ARK2N: variants seen among roughly 807,000 people sequenced by gnomAD.
The protein encoded by ARK2N is arkadia (RNF111) N-terminal like PKA signaling regulator 2N.
At chr18:46,257,129 C>T in the ARK2N span, among the ~76,000 whole-genome samples, 1 of 152,068 alleles carries the variant, frequency 6.6e-6, no homozygotes, top group Admixed American at 6.5e-5. Context: ...ATTTAGTTGT[C>T]CTGTTCTTAT....
the ARK2N span, chr18:46,216,432 G>C: frequency 6.2e-7 from 1 of 1,614,090 alleles, no homozygotes; most frequent in Non-Finnish European, 8.5e-7. The surrounding 1 kb of genome is among the most constrained non-coding windows in gnomAD (Gnocchi z 4.3). Flanking sequence ...AGAGGATCAG[G>C]CTACTGAGGC....
At chr18:46,259,885 C>CTGTGTG in the ARK2N span, among the ~76,000 whole-genome samples, 2 of 81,704 alleles carry the variant, frequency 2.4e-5, no homozygotes, top group East Asian at 3.3e-4. Flanking sequence ...ATCCTCCCGT[C>CTGTGTG]TGTGTGTGTG....
the ARK2N span, among the ~76,000 whole-genome samples, chr18:46,202,622 T>G: frequency 2.0e-5 from 3 of 151,934 alleles, no homozygotes. Context: ...ACCCCGTCTC[T>G]ACTAAAAATA....
At chr18:46,175,025 C>T in the ARK2N span, among the ~76,000 whole-genome samples, 1 of 152,200 alleles carries the variant, frequency 6.6e-6, no homozygotes, top group Non-Finnish European at 1.5e-5. Flanking sequence ...AACTTTATTT[C>T]AAAACCGGCG....
At chr18:46,226,423 A>G in the ARK2N span, among the ~76,000 whole-genome samples, 287 of 152,352 alleles carry the variant, frequency 1.9e-3, 2 homozygotes, top group Middle Eastern at 0.02. Flanking sequence ...GGATACCTGT[A>G]GAGGGTAAAG....
the ARK2N span, among the ~76,000 whole-genome samples, chr18:46,212,990 A>ATTTTT: frequency 3.0e-4 from 24 of 80,498 alleles, no homozygotes; most frequent in East Asian, 6.1e-4. Context: ...TTTAAGAAGA[A>ATTTTT]TTTTTTTTTT....
At chr18:46,206,062 A>G in the ARK2N span, among the ~76,000 whole-genome samples, 1 of 150,090 alleles carries the variant, frequency 6.7e-6, no homozygotes, top group Non-Finnish European at 1.5e-5. Flanking sequence ...TCCAGTCCAA[A>G]TCCAAGTTGA....
At chr18:46,262,851 G>A in the ARK2N span, 9 of 1,428,704 alleles carry the variant, frequency 6.3e-6, no homozygotes, top group South Asian at 1.2e-5. Flanking sequence ...ATGTTGATAA[G>A]TACAACTGAG....
At chr18:46,178,900 A>G in the ARK2N span, among the ~76,000 whole-genome samples, 3 of 151,800 alleles carry the variant, frequency 2.0e-5, no homozygotes, top group South Asian at 4.2e-4. Context: ...TCTCAAAAAA[A>G]AAAAACAACA....
chr18:46,191,185 A>T, the ARK2N span, among the ~76,000 whole-genome samples: 1 of 152,172 alleles, frequency 6.6e-6, no homozygotes, highest in African/African-American at 2.4e-5. Flanking sequence ...AAAAAAAATT[A>T]ATAGACTTTA....
At chr18:46,250,490 G>A in the ARK2N span, among the ~76,000 whole-genome samples, 7 of 22,836 alleles carry the variant, frequency 3.1e-4, no homozygotes, top group South Asian at 1.1e-3. Context: ...CCCTCCATTC[G>A]TACACACACA....
the ARK2N span, among the ~76,000 whole-genome samples, chr18:46,196,504 AC>A: frequency 6.6e-6 from 1 of 151,206 alleles, no homozygotes; most frequent in Non-Finnish European, 1.5e-5. Context: ...CTCGTGATCC[AC>A]CCGCCTCGGC....
At chr18:46,243,355 C>A in the ARK2N span, among the ~76,000 whole-genome samples, 1 of 152,122 alleles carries the variant, frequency 6.6e-6, no homozygotes, top group African/African-American at 2.4e-5. Context: ...CCTTTCACAA[C>A]AAAATAGCAA....
chr18:46,178,789 C>T, the ARK2N span, among the ~76,000 whole-genome samples: 1 of 151,566 alleles, frequency 6.6e-6, no homozygotes, highest in Non-Finnish European at 1.5e-5. Flanking sequence ...TGGCACACGC[C>T]TGTAGTCCCA....
At chr18:46,259,418 A>G in the ARK2N span, among the ~76,000 whole-genome samples, 1 of 150,626 alleles carries the variant, frequency 6.6e-6, no homozygotes, top group South Asian at 2.1e-4. Context: ...TCATTTTTGT[A>G]TTTTTAGTAG....
chr18:46,218,182 C>G, the ARK2N span: 24 of 152,176 alleles, frequency 1.6e-4, no homozygotes, highest in East Asian at 4.2e-3. Flanking sequence ...AGGCACTTTC[C>G]CTGTTTTGCT....
chr18:46,175,239 G>T, the ARK2N span, among the ~76,000 whole-genome samples: 6 of 150,586 alleles, frequency 4.0e-5, no homozygotes, highest in African/African-American at 2.4e-5. Flanking sequence ...TGGGTTTTTC[G>T]TTTTTTGCCT....
chr18:46,188,453 A>G, the ARK2N span, among the ~76,000 whole-genome samples: 5 of 151,980 alleles, frequency 3.3e-5, no homozygotes, highest in African/African-American at 7.2e-5. Flanking sequence ...CCACCTGCAT[A>G]GGCCTCCCAA....
chr18:46,201,997 C>T, the ARK2N span, among the ~76,000 whole-genome samples: 1 of 152,008 alleles, frequency 6.6e-6, no homozygotes, highest in African/African-American at 2.4e-5. Context: ...GAGATGGTCT[C>T]GAACTCCTGA....
Sources: gnomAD v4.1 joint callset for allele counts (sites outside exome capture counted in the v4.1 genomes callset) on GRCh38, gnomAD v4.1.1 for gene constraint, Gnocchi (gnomAD v3.1) non-coding constraint, MANE v1.5 for transcripts, NCBI Gene and HGNC (gene_info 2026-07-23, HGNC 2026-07-21) for gene names.